Variants in CEBPZ observed in about 807,000 individuals in gnomAD.
CEBPZ encodes CCAAT enhancer binding protein zeta.
CEBPZ carries 78 observed loss-of-function variants against 104.5 expected under a neutral mutation model. The observed-to-expected ratio is 0.75, with a 90% CI of 0.62 to 0.90. The LOEUF (loss-of-function observed/expected upper bound fraction) is 0.90, where lower values mean the gene tolerates loss of function less well. Among genes scored for constraint, CEBPZ ranks in the 40% least tolerant of loss-of-function variants. The pLI is 0.00. For synonymous variants in CEBPZ, 470 were observed against 427.0 expected (o/e 1.10, Z -1.24); for missense variants, 1,439 against 1,233.5 (o/e 1.17, Z -2.50).
chr2:37,217,534 C>T (rs1028739291), intron 5 of CEBPZ, among the ~76,000 whole-genome samples: 7 of 152,168 alleles, frequency 4.6e-5, no homozygotes, highest in Non-Finnish European at 8.8e-5. Context: ...TTCTATTCAA[C>T]AGGTTTATAT....
intron 1 of CEBPZ, 93 bp downstream of exon 1, chr2:37,231,319 C>T (rs948952739): frequency 1.9e-6 from 3 of 1,578,934 alleles, no homozygotes; most frequent in Admixed American, 3.4e-5. Flanking sequence ...GACGCCCGCG[C>T]TCTACGCAGC....
At chr2:37,214,168 T>A (rs554765168) in intron 9 of CEBPZ, among the ~76,000 whole-genome samples, 1 of 152,284 alleles carries the variant, frequency 6.6e-6, no homozygotes, top group East Asian at 1.9e-4. Flanking sequence ...GTGTAATACA[T>A]TTCAAAGATA....
At chr2:37,201,971 G>T in intron 15 of CEBPZ, 68 bp from the exon 16 acceptor site, 2 of 1,468,696 alleles carry the variant, frequency 1.4e-6, no homozygotes, top group Non-Finnish European at 1.9e-6. Flanking sequence ...CACAGAACAT[G>T]CTGCTGAGTC....
At chr2:37,205,619 C>G (rs1677512634) in intron 13 of CEBPZ, among the ~76,000 whole-genome samples, 1 of 152,190 alleles carries the variant, frequency 6.6e-6, no homozygotes, top group Non-Finnish European at 1.5e-5. Context: ...GTGGTCTCTT[C>G]ATACAGACGC....
At chr2:37,206,003 T>G (rs1394525464) in intron 13 of CEBPZ, among the ~76,000 whole-genome samples, 1 of 152,190 alleles carries the variant, frequency 6.6e-6, no homozygotes, top group East Asian at 1.9e-4. Flanking sequence ...TATAATTGAA[T>G]GGTTTAAAAA....
intron 13 of CEBPZ, among the ~76,000 whole-genome samples, chr2:37,208,003 C>G (rs13422415): frequency 0.13 from 19,913 of 152,070 alleles, 1,452 homozygotes; most frequent in South Asian, 0.26. Context: ...AAAGATCATT[C>G]AAGGCTACTA....
chr2:37,231,561 C>T lies in CEBPZ; in HGVS notation c.7G>A (p.Ala3Thr), dbSNP rs772259023. 4 of 1,614,108 alleles carry T rather than the reference C, an allele frequency of 2.5e-6. No individual in the cohort carries two copies. In the East Asian group the frequency reaches 6.7e-5, roughly 27 times the overall value. The change falls in exon 1 of 16, where the codon GCA becomes ACA. Residue 3 changes from alanine (A) to threonine (T), a missense_variant. Physicochemically the swap from Ala to Thr is moderately conservative, Grantham distance 58. Transcript: ENST00000234170. MA[A>T]VKEPLEFHAK... ...TGGAACTCCAAAGGCTCCTTGACTG[C>T]GGCCATGGCGGGCAAAGCATACGCG...
Position 37,231,558 on chromosome 2 carries a change from C to G in CEBPZ, c.10G>C (p.Val4Leu), listed in dbSNP as rs370188714. 1.5e-5 allele frequency: 25 copies of G among 1,614,136 alleles called. No individual in the cohort carries two copies. Among genetic ancestry groups the G allele is most frequent in the Non-Finnish European group, 1.7e-5 (20 of 1,180,058 alleles). The change falls in exon 1 of 16, where the codon GTC (valine) becomes CTC (leucine). Residue 4 changes from valine to leucine, a missense_variant. By Grantham distance (32) the Val-to-Leu change is conservative. Transcript: ENST00000234170. MAA[V>L]KEPLEFHAKR... ...GCATGGAACTCCAAAGGCTCCTTGACTGCGGCCATGGCGGGCAAAGCATAC... is the reference window on the plus strand; with the variant it reads ...GCATGGAACTCCAAAGGCTCCTTGAGTGCGGCCATGGCGGGCAAAGCATAC...
In CEBPZ at chr2:37,228,587, T is replaced by C. The variant is rs1664950163; in HGVS notation, c.606A>G (p.Val202=). 1 of 1,614,112 alleles carries C rather than the reference T, an allele frequency of 6.2e-7. No individual in the cohort carries two copies. The highest frequency in any genetic ancestry group is 8.5e-7 in the Non-Finnish European group (1 of 1,180,038). The change falls in exon 2 of 16, where the codon GTA becomes GTG. Residue 202 remains valine, a synonymous_variant. Coordinates refer to ENST00000234170, the MANE Select transcript of CEBPZ (RefSeq NM_005760.3). ...TCTGAGCAAGGGTTTTGTACTTAGA[T>C]ACAACATCCTGAGGCTGGGGTTTCA... ...YSLKPQPQDV[V]SKYKTLAQKL...
chr2:37,202,995 C>A lies in CEBPZ; in HGVS notation c.2898G>T (p.Lys966Asn). The A allele has an allele frequency of 6.5e-7, 1 of 1,549,914 alleles. No individual in the cohort carries two copies. Among genetic ancestry groups the A allele is most frequent in the African/African-American group, 1.4e-5 (1 of 71,892 alleles). ...GGCTGGAATCATTTAAGTTTCTTTT[C>A]TTTTTTCTTGGCCCTAAAAAAAATT... ...FAGSFQGPRK[K>N]KRNLNDSSLF... Residue 966 changes from lysine (K) to asparagine (N), a missense_variant, in exon 14 of 16, where the codon AAG becomes AAT. Lys to Asn is a moderately conservative substitution (Grantham distance 94, BLOSUM62 0). Coordinates refer to ENST00000234170, the MANE Select transcript of CEBPZ (RefSeq NM_005760.3).
At chr2:37,206,720 A>C (rs1024543725) in intron 13 of CEBPZ, among the ~76,000 whole-genome samples, 1 of 152,188 alleles carries the variant, frequency 6.6e-6, no homozygotes, top group African/African-American at 2.4e-5. Context: ...TTAAAACCTA[A>C]ATCTTACAGG....
intron 5 of CEBPZ, among the ~76,000 whole-genome samples, chr2:37,218,133 G>A (rs1024569603): frequency 3.3e-5 from 5 of 151,534 alleles, no homozygotes; most frequent in African/African-American, 7.3e-5. Flanking sequence ...CAGGCGTGGC[G>A]GTGTGCGCCT....
chr2:37,203,159 T>C (rs947852136), intron 13 of CEBPZ, 151 bp from the exon 14 acceptor site: 6 of 522,798 alleles, frequency 1.1e-5, no homozygotes, highest in African/African-American at 9.9e-5. Flanking sequence ...CATTTAAATA[T>C]AATTTAAGAG....
intron 13 of CEBPZ, chr2:37,209,306 T>C (rs1442896310): frequency 1.3e-5 from 2 of 152,066 alleles, no homozygotes; most frequent in African/African-American, 4.8e-5. Flanking sequence ...CTGAAATTCA[T>C]ATGGAACAAA....
chr2:37,223,470 G>A, intron 2 of CEBPZ, 69 bp from the exon 3 acceptor site: 1 of 1,333,140 alleles, frequency 7.5e-7, no homozygotes, highest in Non-Finnish European at 1.1e-6. Flanking sequence ...TCACATATTA[G>A]AAATAGCTAC....
At position 37,228,040 on chromosome 2, in the gene CEBPZ, C is replaced by T. The variant is rs760672275; in HGVS notation, c.1153G>A (p.Val385Met). The T allele has an allele frequency of 6.2e-6, 10 of 1,614,046 alleles. No homozygotes were observed. In the African/African-American group the frequency reaches 1.2e-4, roughly 19 times the overall value. Reference sequence around the variant, plus strand: ...TCTCCCAGTTTATTTACCACTTGCACAAGAAGAGCCTTTTCTTCCTCAGGC... The same window carrying T: ...TCTCCCAGTTTATTTACCACTTGCATAAGAAGAGCCTTTTCTTCCTCAGGC... The part of the protein sequence containing the change: ...NKPEEEKALL[V>M]QVVNKLGDPQ... Residue 385 changes from valine (V) to methionine (M), a missense_variant, in exon 2 of 16, where the codon GTG (valine) becomes ATG (methionine). Coordinates refer to ENST00000234170, the MANE Select transcript of CEBPZ (RefSeq NM_005760.3).
chr2:37,214,851 A>C lies in CEBPZ; in HGVS notation c.2447+35T>G, dbSNP rs372555878. 9.9e-5 allele frequency: 132 copies of C among 1,335,304 alleles called. 1 individual carries two copies. Among genetic ancestry groups the C allele is most frequent in the Non-Finnish European group, 1.3e-4 (124 of 947,508 alleles). 82.7% of individuals were successfully genotyped at this position (1,335,304 alleles called of 1,614,324 possible). A position where few individuals can be genotyped will look rare whatever the true frequency, so the allele number is the denominator to read the frequency against. ...GAAATCTAAAAATTTAAATTTTAGC[A>C]GTTTCCCCAAATGAAACTATATTAT... On this transcript the variant is annotated intron_variant, in intron 9 of 15. Coordinates refer to ENST00000234170, the MANE Select transcript of CEBPZ (RefSeq NM_005760.3).
rs1572505340 is a variant in CEBPZ, at chr2:37,220,444, A to G, written c.2095T>C (p.Phe699Leu). 6.2e-7 allele frequency: 1 copy of G among 1,600,016 alleles called. No individual in the cohort carries two copies. The highest frequency in any genetic ancestry group is 8.5e-7 in the Non-Finnish European group (1 of 1,171,030). ...CCACAGAACAGAGGGTTTCTACTGA[A>G]TGGATCGTATTTATTTAACTGTTTC... is the stretch of plus-strand genomic sequence containing the variant. ...GGKQLNKYDP[F>L]SRNPLFCGAE... Residue 699 changes from phenylalanine (F) to leucine (L), a missense_variant, in exon 5 of 16, where the codon TTC (phenylalanine) becomes CTC (leucine). Phe to Leu is a conservative substitution (Grantham distance 22, BLOSUM62 0). Transcript: ENST00000234170.
chr2:37,230,182 G>A (rs772337211), intron 1 of CEBPZ, among the ~76,000 whole-genome samples: 61 of 152,250 alleles, frequency 4.0e-4, no homozygotes, highest in Admixed American at 3.3e-3. Context: ...GACACAGAAC[G>A]TTATGCACTG....
Sources: gnomAD v4.1 joint callset for allele counts (sites outside exome capture counted in the v4.1 genomes callset) on GRCh38, gnomAD v4.1.1 for gene constraint, MANE v1.5 for transcripts, NCBI Gene and HGNC (gene_info 2026-07-23, HGNC 2026-07-21) for gene names.